SRRM4: variants seen among roughly 807,000 people sequenced by gnomAD.
SRRM4 encodes serine/arginine repetitive matrix 4.
Under a neutral mutation model 68.9 loss-of-function variants are expected in SRRM4, and 33 were observed. The ratio of observed to expected loss-of-function variants is 0.48; its 90% CI spans 0.36 to 0.64. The LOEUF (loss-of-function observed/expected upper bound fraction) is 0.64, where lower values mean the gene tolerates loss of function less well. Among genes scored for constraint, SRRM4 ranks in the 30% least tolerant of loss-of-function variants. SRRM4 has a pLI of 0.00. For missense variants in SRRM4, 817 were observed against 827.1 expected (o/e 0.99, Z 0.15); for synonymous variants, 318 against 318.8 (o/e 1.00, Z 0.03).
intron 7 of SRRM4, among the ~76,000 whole-genome samples, chr12:119,130,345 T>G (rs1200951993): frequency 1.3e-5 from 2 of 151,106 alleles, no homozygotes; most frequent in Non-Finnish European, 2.9e-5. Context: ...CATGATTGGT[T>G]GGATTGATGG....
At chr12:119,024,770 C>G (rs181994998) in intron 1 of SRRM4, among the ~76,000 whole-genome samples, 6 of 152,288 alleles carry the variant, frequency 3.9e-5, no homozygotes, top group Admixed American at 3.3e-4. Context: ...AATCCCTTTA[C>G]GTCCAACCCA....
At chr12:119,120,225 A>ATT (rs1187978368) in intron 4 of SRRM4, 25 bp from the exon 5 acceptor site, 1 of 1,390,108 alleles carries the variant, frequency 7.2e-7, no homozygotes, top group African/African-American at 1.8e-5. Flanking sequence ...TCTTCTTTTC[A>ATT]TTTTTTTTCT....
intron 1 of SRRM4, among the ~76,000 whole-genome samples, chr12:119,014,507 A>T (rs148348769): frequency 6.6e-6 from 1 of 152,300 alleles, no homozygotes; most frequent in East Asian, 1.9e-4. Context: ...GAAGGCAGGT[A>T]TTAGAGGAAA....
intron 4 of SRRM4, 143 bp from the exon 5 acceptor site, chr12:119,120,107 C>A: frequency 3.3e-6 from 2 of 602,428 alleles, no homozygotes; most frequent in South Asian, 4.2e-5. Context: ...TCCCCTCCCT[C>A]CCTTCCTTCA....
chr12:119,090,774 G>A (rs1283832924), intron 1 of SRRM4, among the ~76,000 whole-genome samples: 1 of 152,094 alleles, frequency 6.6e-6, no homozygotes, highest in South Asian at 2.1e-4. Flanking sequence ...TGGACTCAAT[G>A]CTCCCCAAAG....
At chr12:119,021,058 A>C (rs1953513322) in intron 1 of SRRM4, among the ~76,000 whole-genome samples, 1 of 152,174 alleles carries the variant, frequency 6.6e-6, no homozygotes. Context: ...TAGTTTCCTC[A>C]AAACCCAGAC....
At chr12:118,996,305 G>A (rs1055261382) in intron 1 of SRRM4, among the ~76,000 whole-genome samples, 14 of 152,012 alleles carry the variant, frequency 9.2e-5, no homozygotes, top group Admixed American at 5.9e-4. Flanking sequence ...CTTTTGCTGT[G>A]CATATTTAAA....
intron 1 of SRRM4, among the ~76,000 whole-genome samples, chr12:119,038,557 A>T (rs1405149854): frequency 6.6e-6 from 1 of 152,126 alleles, no homozygotes; most frequent in Non-Finnish European, 1.5e-5. Flanking sequence ...GTCTTTTCTC[A>T]TTATTTGTTC....
Position 119,019,953 on chromosome 12 carries a change from C to CA in SRRM4, c.131+37940_131+37941insA, listed in dbSNP as rs200882876. Reference sequence around the variant, plus strand: ...GCTCTGGACAGTTCCCCCCGCTCCCCCCCCCCCCAAAAAAAAATCACACAC... The same window carrying CA: ...GCTCTGGACAGTTCCCCCCGCTCCCCACCCCCCCCAAAAAAAAATCACACAC... On this transcript the variant is annotated intron_variant, in intron 1 of 12. Transcript: ENST00000267260. Among the ~76,000 whole-genome samples, 21 of 75,364 alleles carry CA rather than the reference C, an allele frequency of 2.8e-4. 1 individual carries two copies. Among genetic ancestry groups the CA allele is most frequent in the African/African-American group, 8.1e-4 (19 of 23,596 alleles). 49.4% of individuals were successfully genotyped at this position (75,364 alleles called of 152,430 possible). A position where few individuals can be genotyped will look rare whatever the true frequency, so the allele number is the denominator to read the frequency against.
At chr12:119,153,857 C>T (rs1343024784) in intron 11 of SRRM4, among the ~76,000 whole-genome samples, 1 of 152,096 alleles carries the variant, frequency 6.6e-6, no homozygotes, top group East Asian at 1.9e-4. Context: ...CCCAAACAGT[C>T]CCGCAGACAT....
At position 119,156,560 on chromosome 12, in the gene SRRM4, C is replaced by T; in HGVS notation, c.1598C>T (p.Thr533Ile). The stretch of plus-strand genomic sequence containing the variant: ...TCCTCATCCGGCAGCCTCAGCAGCA[C>T]CTCCTCCTGGTACAGCAGCAGCAGT... ...SPSSSGSLSS[T>I]SSWYSSSSSR... Residue 533 changes from threonine to isoleucine, a missense_variant, in exon 13 of 13, where the codon ACC becomes ATC. Transcript: ENST00000267260. The T allele has an allele frequency of 1.9e-6, 3 of 1,611,638 alleles. No homozygotes were observed.
chr12:119,015,221 G>A (rs541462841), intron 1 of SRRM4, among the ~76,000 whole-genome samples: 14 of 152,168 alleles, frequency 9.2e-5, no homozygotes, highest in East Asian at 3.9e-4. Flanking sequence ...TAATCAATCC[G>A]CCAGCAGGTC....
intron 6 of SRRM4, among the ~76,000 whole-genome samples, chr12:119,124,745 T>C (rs1954246234): frequency 1.3e-5 from 2 of 152,234 alleles, no homozygotes; most frequent in East Asian, 3.9e-4. Flanking sequence ...CTGGACTTAA[T>C]TTTCCAGGTC....
At chr12:119,107,232 G>C (rs910082882) in intron 2 of SRRM4, among the ~76,000 whole-genome samples, 3 of 152,182 alleles carry the variant, frequency 2.0e-5, no homozygotes, top group African/African-American at 7.2e-5. Context: ...GAATTTTATT[G>C]AGGATTTTCG....
chr12:119,153,695 C>T lies in SRRM4; in HGVS notation c.1391+46C>T, dbSNP rs747932367. ...ACTAGGCCCGTCCTAGGCCCCACCC[C>T]TTTGCTCTGATCCTCCTCTCTGGCC... On this transcript the variant is annotated intron_variant, in intron 11 of 12. Transcript: ENST00000267260. 1.0e-5 allele frequency: 14 copies of T among 1,406,748 alleles called. No homozygotes were observed. The South Asian group carries it at 1.7e-4, about 17-fold the overall frequency. 87.1% of individuals were successfully genotyped at this position (1,406,748 alleles called of 1,614,324 possible). A position where few individuals can be genotyped will look rare whatever the true frequency, so the allele number is the denominator to read the frequency against.
Position 118,982,682 on chromosome 12 carries a change from T to TTTTTTTTG in SRRM4, c.131+676_131+677insGTTTTTTT, listed in dbSNP as rs1565882779. On this transcript the variant is annotated intron_variant, in intron 1 of 12. Coordinates refer to ENST00000267260, the MANE Select transcript of SRRM4 (RefSeq NM_194286.4). ...GAGTTTTATTTTGTTTTTTTTTGTTTTTTTTTTTTTTTTCCAAAAAGAATC... is the reference window on the plus strand; with the variant it reads ...GAGTTTTATTTTGTTTTTTTTTGTTTTTTTTTTGTTTTTTTTTTTTTCCAAAAAGAATC... 8.5e-4 allele frequency among the ~76,000 whole-genome samples: 114 copies of TTTTTTTTG among 134,262 alleles called. 1 individual carries two copies. Among genetic ancestry groups the TTTTTTTTG allele is most frequent in the African/African-American group, 2.7e-3 (98 of 35,774 alleles). The allele number at this position is 134,262 out of a possible 152,430, so 88.1% of individuals were successfully genotyped here. A position where few individuals can be genotyped will look rare whatever the true frequency, so the allele number is the denominator to read the frequency against.
At chr12:119,122,292 C>CAGGAAGGAAGGAAGGAAGGAAGGA (rs56030105) in intron 6 of SRRM4, among the ~76,000 whole-genome samples, 172 bp downstream of exon 6, 3 of 69,724 alleles carry the variant, frequency 4.3e-5, no homozygotes, top group South Asian at 1.2e-3. Context: ...GGCAGGAAGG[C>CAGGAAGGAAGGAAGGAAGGAAGGA]AGGAAGGAAG....
At chr12:119,044,562 A>G (rs1010433281) in intron 1 of SRRM4, among the ~76,000 whole-genome samples, 5 of 152,246 alleles carry the variant, frequency 3.3e-5, no homozygotes, top group Middle Eastern at 6.8e-3. Flanking sequence ...GTGCCATGCC[A>G]TGGTTATGGG....
intron 1 of SRRM4, among the ~76,000 whole-genome samples, chr12:118,988,562 G>C (rs868181250): frequency 6.6e-6 from 1 of 152,140 alleles, no homozygotes; most frequent in Non-Finnish European, 1.5e-5. Context: ...GGATTATAGC[G>C]AGCCTGCAAA....
Sources: allele counts gnomAD v4.1 joint callset (sites outside exome capture counted in the v4.1 genomes callset), GRCh38; gene constraint gnomAD v4.1.1; transcripts MANE v1.5; gene names NCBI Gene and HGNC (gene_info 2026-07-23, HGNC 2026-07-21).